KCNJ6: variants seen among roughly 807,000 people sequenced by gnomAD.
KCNJ6 encodes the protein potassium inwardly rectifying channel subfamily J member 6, also known as G protein-activated inward rectifier potassium channel 2.
A neutral mutation model predicts 34.2 loss-of-function variants in KCNJ6; 9 were observed. That is an observed-to-expected ratio of 0.26 (90% CI 0.16 to 0.46). The LOEUF is 0.46. Among genes scored for constraint, KCNJ6 ranks in the 20% least tolerant of loss-of-function variants. The probability of loss-of-function intolerance (pLI) is 1.00; values close to 1 mark genes in which losing one functional copy is unlikely to be tolerated. For missense variants in KCNJ6, 236 were observed against 531.3 expected (o/e 0.44, Z 5.46); for synonymous variants, 196 against 207.1 (o/e 0.95, Z 0.46).
At chr21:37,853,661 C>T (rs916314009) in intron 1 of KCNJ6, among the ~76,000 whole-genome samples, 4 of 151,736 alleles carry the variant, frequency 2.6e-5, no homozygotes, top group African/African-American at 9.7e-5. Flanking sequence ...CTAAATTATG[C>T]TTGATGGCTG....
At chr21:37,823,102 A>G (rs1477493789) in intron 2 of KCNJ6, among the ~76,000 whole-genome samples, 1 of 152,112 alleles carries the variant, frequency 6.6e-6, no homozygotes, top group Non-Finnish European at 1.5e-5. Flanking sequence ...CCCGAGCAGC[A>G]CAGCATGGAG....
At chr21:37,669,715 ACT>A (rs2054533422) in intron 3 of KCNJ6, among the ~76,000 whole-genome samples, 1 of 150,506 alleles carries the variant, frequency 6.6e-6, no homozygotes, top group African/African-American at 2.4e-5. Context: ...ATATGCAGAG[ACT>A]CTGAAATGTC....
chr21:37,704,076 C>T (rs2123440176), intron 3 of KCNJ6, among the ~76,000 whole-genome samples: 1 of 152,332 alleles, frequency 6.6e-6, no homozygotes, highest in Middle Eastern at 3.4e-3. Flanking sequence ...CTCTCTCTTC[C>T]CCTAGCCTTG....
intron 2 of KCNJ6, among the ~76,000 whole-genome samples, chr21:37,798,375 C>G (rs184907061): frequency 6.6e-6 from 1 of 152,304 alleles, no homozygotes; most frequent in East Asian, 1.9e-4. Flanking sequence ...AGTCTCACTC[C>G]TAGTATTTCC....
chr21:37,679,523 A>T (rs2054581458), intron 3 of KCNJ6, among the ~76,000 whole-genome samples: 1 of 152,226 alleles, frequency 6.6e-6, no homozygotes, highest in African/African-American at 2.4e-5. Context: ...ATACTCAATG[A>T]ATGTTAGTTA....
At chr21:37,861,530 A>C (rs910145171) in intron 1 of KCNJ6, among the ~76,000 whole-genome samples, 6 of 152,178 alleles carry the variant, frequency 3.9e-5, no homozygotes, top group African/African-American at 1.4e-4. Flanking sequence ...TCAACATACA[A>C]ATTTTGAGGG....
rs114709405 is a variant in KCNJ6, at chr21:37,739,773, G to A, written c.26-24642C>T. Among the ~76,000 whole-genome samples, 676 of 152,174 alleles carry A rather than the reference G, an allele frequency of 4.4e-3. 6 individuals carry two copies. Among genetic ancestry groups the A allele is most frequent in the African/African-American group, 0.016 (648 of 41,520 alleles). On this transcript the variant is annotated intron_variant, in intron 2 of 3. Transcript: ENST00000609713. ...GCATGATGGGGTGAGGAGGGAGAGA[G>A]GGAGAAAAGCTCCTGGAAAAACGGG...
chr21:37,623,511 G>A lies in KCNJ6; in HGVS notation c.*1648C>T, dbSNP rs567396822. The stretch of plus-strand genomic sequence containing the variant: ...AAGTGAATGTGAAAGATCTGTAACA[G>A]TGCAAAATCTCCACCTGCCCCGGAG... On this transcript the variant is annotated 3_prime_UTR_variant, in exon 4 of 4. Transcript: ENST00000609713. 6.6e-6 allele frequency: 1 copy of A among 152,320 alleles called. No homozygotes were observed. The highest frequency in any genetic ancestry group is 2.1e-4 in the South Asian group (1 of 4,824). The allele number at this position is 152,320 out of a possible 1,614,324, so 9.4% of individuals were successfully genotyped here.
At chr21:37,684,105 C>T (rs544736265) in intron 3 of KCNJ6, among the ~76,000 whole-genome samples, 97 of 152,344 alleles carry the variant, frequency 6.4e-4, no homozygotes, top group Non-Finnish European at 9.6e-4. Context: ...CGAAGTATCA[C>T]AAACAGGTGG....
chr21:37,847,353 G>A (rs1568870152), intron 1 of KCNJ6, among the ~76,000 whole-genome samples: 1 of 151,648 alleles, frequency 6.6e-6, no homozygotes, highest in African/African-American at 2.4e-5. Flanking sequence ...CGGCTGGTGA[G>A]GAGTAGAGTT....
chr21:37,746,169 A>G (rs1441464247), intron 2 of KCNJ6, among the ~76,000 whole-genome samples: 1 of 152,216 alleles, frequency 6.6e-6, no homozygotes. Flanking sequence ...ATGGTGGATT[A>G]GGATGTCAAC....
At chr21:37,889,904 C>A (rs1568886170) in intron 1 of KCNJ6, among the ~76,000 whole-genome samples, 1 of 152,190 alleles carries the variant, frequency 6.6e-6, no homozygotes, top group African/African-American at 2.4e-5. Flanking sequence ...CCAGGTAAAG[C>A]CACATGCATA....
At chr21:37,711,278 C>A (rs546423872) in intron 3 of KCNJ6, among the ~76,000 whole-genome samples, 18 of 152,350 alleles carry the variant, frequency 1.2e-4, no homozygotes, top group African/African-American at 4.1e-4. Flanking sequence ...ACTCCGGTCT[C>A]CGGAAAACAC....
chr21:37,667,645 G>T (rs552999643), intron 3 of KCNJ6, among the ~76,000 whole-genome samples: 1 of 150,138 alleles, frequency 6.7e-6, no homozygotes, highest in African/African-American at 2.5e-5. Flanking sequence ...GCAGGTCCAG[G>T]GTAGCAGGCG....
rs565012398 is a variant in KCNJ6, at chr21:37,678,472, C to A, written c.946+35739G>T. 5.3e-5 allele frequency among the ~76,000 whole-genome samples: 8 copies of A among 152,264 alleles called. No homozygotes were observed. In the South Asian group the frequency reaches 1.5e-3, roughly 28 times the overall value. ...AACTGATTGGTTTGAAAACTCTTTT[C>A]TGGGGTCATAGGCTTCTTGCATAAT... On this transcript the variant is annotated intron_variant, in intron 3 of 3. Coordinates refer to ENST00000609713, the MANE Select transcript of KCNJ6 (RefSeq NM_002240.5).
chr21:37,845,402 G>T, intron 1 of KCNJ6, among the ~76,000 whole-genome samples: 1 of 152,072 alleles, frequency 6.6e-6, no homozygotes, highest in East Asian at 1.9e-4. Flanking sequence ...CGGGGAGAGA[G>T]AGAAAGAGAG....
intron 3 of KCNJ6, among the ~76,000 whole-genome samples, chr21:37,649,157 A>AAACAAAAAC (rs755535850): frequency 5.2e-5 from 7 of 133,976 alleles, no homozygotes; most frequent in African/African-American, 1.7e-4. Flanking sequence ...AAAAAAAAGA[A>AAACAAAAAC]AGAAAAAGAA....
intron 2 of KCNJ6, among the ~76,000 whole-genome samples, chr21:37,763,435 G>A (rs575847470): frequency 6.6e-6 from 1 of 152,190 alleles, no homozygotes; most frequent in South Asian, 2.1e-4. Context: ...CACAGAGCTC[G>A]GCCCTTCCCC....
intron 2 of KCNJ6, among the ~76,000 whole-genome samples, chr21:37,831,965 A>G (rs2123567363): frequency 6.6e-6 from 1 of 152,216 alleles, no homozygotes; most frequent in East Asian, 1.9e-4. Context: ...ACACTGATGG[A>G]CAGCTGAGGG....
Sources: gnomAD v4.1 joint callset for allele counts (sites outside exome capture counted in the v4.1 genomes callset) on GRCh38, gnomAD v4.1.1 for gene constraint, MANE v1.5 for transcripts, NCBI Gene and HGNC (gene_info 2026-07-23, HGNC 2026-07-21) for gene names.